Variants in LMOD3 observed in about 807,000 individuals in gnomAD.
LMOD3 encodes leiomodin 3.
LMOD3 carries 31 observed loss-of-function variants against 41.8 expected under a neutral mutation model. That is an observed-to-expected ratio of 0.74 (90% CI 0.56 to 1.00). The LOEUF is 1.00. LMOD3 is among the 50% of genes least tolerant of loss of function. The pLI, the probability that LMOD3 is intolerant of heterozygous loss-of-function variation, is 0.00. For missense variants in LMOD3, 755 were observed against 679.5 expected (o/e 1.11, Z -1.23); for synonymous variants, 292 against 241.9 (o/e 1.21, Z -1.92).
At position 69,107,017 on chromosome 3, in the gene LMOD3, A is replaced by T. The variant is rs2092325715; in HGVS notation, c.*2078T>A. On this transcript the variant is annotated 3_prime_UTR_variant, in exon 3 of 3. Transcript: ENST00000420581. ...GCCACCGCACCGGCCTAGAATTTCA[A>T]CTACTAATTTACATTAAGCTTTTAA... 1 of 151,800 alleles carries T rather than the reference A, an allele frequency of 6.6e-6. No individual in the cohort carries two copies. Among genetic ancestry groups the T allele is most frequent in the Non-Finnish European group, 1.5e-5 (1 of 67,952 alleles). The allele number at this position is 151,800 out of a possible 1,614,324, so 9.4% of individuals were successfully genotyped here. A position where few individuals can be genotyped will look rare whatever the true frequency, so the allele number is the denominator to read the frequency against.
At chr3:69,113,754 TAGAC>T (rs1221631851) in intron 2 of LMOD3, among the ~76,000 whole-genome samples, 1 of 152,178 alleles carries the variant, frequency 6.6e-6, no homozygotes, top group East Asian at 1.9e-4. Flanking sequence ...CTCAGGGAAT[TAGAC>T]AGTTGCTGCA....
Position 69,119,067 on chromosome 3 carries a change from T to C in LMOD3, c.1288A>G (p.Met430Val). The C allele has an allele frequency of 6.2e-7, 1 of 1,613,742 alleles. No homozygotes were observed. The highest frequency in any genetic ancestry group is 1.3e-5 in the African/African-American group (1 of 74,958). The change falls in exon 2 of 3, where the codon ATG becomes GTG. Residue 430 changes from methionine (M) to valine (V), a missense_variant. Transcript: ENST00000420581. ...TTGGGTCCTCCCAACAGCTCCCACA[T>C]CCCAGGGGGCAGCCCCAACCCATTC... ...LENGLGLPPG[M>V]WELLGGPKPD...
In LMOD3 at chr3:69,121,701, C is replaced by T. The variant is rs930523703; in HGVS notation, c.294+392G>A. Reference sequence around the variant, plus strand: ...GAAACACTGCGTATGTTTGGATGTGCCAGAGAGACAGAGGCTACAGAGCTG... The same window carrying T: ...GAAACACTGCGTATGTTTGGATGTGTCAGAGAGACAGAGGCTACAGAGCTG... On this transcript the variant is annotated intron_variant, in intron 1 of 2. Transcript: ENST00000420581. 3.9e-5 allele frequency among the ~76,000 whole-genome samples: 6 copies of T among 152,138 alleles called. No homozygotes were observed. In the East Asian group the frequency reaches 1.2e-3, roughly 29 times the overall value.
intron 2 of LMOD3, among the ~76,000 whole-genome samples, chr3:69,112,615 T>G (rs2092355025): frequency 1.3e-5 from 2 of 152,154 alleles, no homozygotes; most frequent in South Asian, 4.1e-4. Context: ...AAAGGTAATT[T>G]GAGGCAAAGG....
chr3:69,117,167 T>A (rs1012903904), intron 2 of LMOD3, among the ~76,000 whole-genome samples: 3 of 152,216 alleles, frequency 2.0e-5, no homozygotes, highest in African/African-American at 7.2e-5. Context: ...TCTGACCTCA[T>A]GTGACCTCCA....
In LMOD3 at chr3:69,120,048, C is replaced by T. The variant is rs2092400217; in HGVS notation, c.307G>A (p.Glu103Lys). The T allele has an allele frequency of 1.3e-6, 2 of 1,597,140 alleles. No homozygotes were observed. The highest frequency in any genetic ancestry group is 8.5e-7 in the Non-Finnish European group (1 of 1,175,290). The change falls in exon 2 of 3, where the codon GAA becomes AAA. Residue 103 changes from glutamate to lysine, a missense_variant. Glu to Lys is a moderately conservative substitution (Grantham distance 56). Coordinates refer to ENST00000420581, the MANE Select transcript of LMOD3 (RefSeq NM_198271.5). ...CGTTTTTCTATTTCTTCATGCTCTT[C>T]TTGAGTCTTTTCCTACAAGAGAGGT... is the stretch of plus-strand genomic sequence containing the variant. ...TFVKSEEKTQ[E>K]EHEEIEKRNK... is the part of the protein sequence containing the mutation.
Position 69,107,469 on chromosome 3 carries a change from T to TG in LMOD3, c.*1625_*1626insC. 1 of 99,546 alleles carries TG rather than the reference T, an allele frequency of 1.0e-5. No individual in the cohort carries two copies. Among genetic ancestry groups the TG allele is most frequent in the Admixed American group, 1.0e-4 (1 of 10,030 alleles). The allele number at this position is 99,546 out of a possible 1,614,324, so 6.2% of individuals were successfully genotyped here. Reference sequence around the variant, plus strand: ...GCACCAAAGGTTTTTTTTTTTTTTTTTTTTTTTTTTTTTTTTTTTTTTTTT... The same window carrying TG: ...GCACCAAAGGTTTTTTTTTTTTTTTTGTTTTTTTTTTTTTTTTTTTTTTTTT... On this transcript the variant is annotated 3_prime_UTR_variant, in exon 3 of 3. Transcript: ENST00000420581.
chr3:69,116,947 C>A (rs2107524582), intron 2 of LMOD3, among the ~76,000 whole-genome samples: 1 of 152,332 alleles, frequency 6.6e-6, no homozygotes, highest in South Asian at 2.1e-4. Flanking sequence ...AAAGACGTCT[C>A]ATCATTCTTT....
At chr3:69,110,856 ATAT>A (rs2092347070) in intron 2 of LMOD3, among the ~76,000 whole-genome samples, 17 of 119,136 alleles carry the variant, frequency 1.4e-4, no homozygotes, top group African/African-American at 3.0e-4. Flanking sequence ...AAAAAAAAAT[ATAT>A]ATATATATAT....
intron 2 of LMOD3, among the ~76,000 whole-genome samples, chr3:69,111,288 C>A (rs1252393800): frequency 6.6e-6 from 1 of 152,158 alleles, no homozygotes; most frequent in Admixed American, 6.5e-5. Context: ...GCCTGCCAGC[C>A]TTCAAGCCAA....
chr3:69,114,724 C>G (rs997667685), intron 2 of LMOD3, among the ~76,000 whole-genome samples: 1 of 152,156 alleles, frequency 6.6e-6, no homozygotes, highest in Non-Finnish European at 1.5e-5. Context: ...CCAGGTTGGT[C>G]TCAAACTCCT....
chr3:69,114,973 C>G (rs1220903179), intron 2 of LMOD3, among the ~76,000 whole-genome samples: 5 of 152,190 alleles, frequency 3.3e-5, no homozygotes, highest in African/African-American at 1.2e-4. Context: ...TCAAGTGATC[C>G]TCCTGCCTCA....
rs2092412316 is a variant in LMOD3, at chr3:69,122,291, CA to C, written c.95del (p.Leu32ArgfsTer21). 3 of 1,613,436 alleles carry C rather than the reference CA, an allele frequency of 1.9e-6. No homozygotes were observed. The highest frequency in any genetic ancestry group is 2.5e-6 in the Non-Finnish European group (3 of 1,179,656). On this transcript the variant is annotated frameshift_variant, in exon 1 of 3. Coordinates refer to ENST00000420581, the MANE Select transcript of LMOD3 (RefSeq NM_198271.5). LOFTEE classifies it high-confidence loss of function. ...EILANLSAEE[L>X]KELQSEMEVM... ...CTTCCATTTCCGACTGCAGTTCTTT[CA>C]GTTCTTCAGCAGACAAGTTGGCCAA...
rs551503990 is a variant in LMOD3 at position 69,118,562 on chromosome 3, T to C, written c.1656+137A>G. 74 of 926,400 alleles carry C rather than the reference T, an allele frequency of 8.0e-5. No homozygotes were observed. In the East Asian group the frequency reaches 1.7e-3, roughly 21 times the overall value. 57.4% of individuals were successfully genotyped at this position (926,400 alleles called of 1,614,324 possible). A position where few individuals can be genotyped will look rare whatever the true frequency, so the allele number is the denominator to read the frequency against. ...TAGGGATAGCAGTAATTTAGTTCTA[T>C]TGGTAATGCTCATTGGCTTCCCCCA... On this transcript the variant is annotated intron_variant, in intron 2 of 2. Transcript: ENST00000420581.
chr3:69,113,096 T>C (rs1382870946), intron 2 of LMOD3, among the ~76,000 whole-genome samples: 1 of 152,174 alleles, frequency 6.6e-6, no homozygotes, highest in African/African-American at 2.4e-5. Context: ...TCATCCTGGT[T>C]TCTTTATTGG....
Position 69,118,962 on chromosome 3 carries a change from G to T in LMOD3, c.1393C>A (p.Arg465Ser). 5 of 1,613,096 alleles carry T rather than the reference G, an allele frequency of 3.1e-6. No individual in the cohort carries two copies. Among genetic ancestry groups the T allele is most frequent in the Non-Finnish European group, 4.2e-6 (5 of 1,179,758 alleles). Residue 465 changes from arginine to serine, a missense_variant, in exon 2 of 3, where the codon CGC (arginine) becomes AGC (serine). Physicochemically the swap from Arg to Ser is moderately radical, Grantham distance 110. Transcript: ENST00000420581. Reference protein sequence around the residue: ...PNPQNVPFSQRSEMMKKPSQA... With the variant: ...PNPQNVPFSQSSEMMKKPSQA... ...GATGGCTTTTTCATCATTTCACTGC[G>T]TTGACTAAAGGGGACATTTTGGGGG... is the stretch of plus-strand genomic sequence containing the variant.
intron 2 of LMOD3, among the ~76,000 whole-genome samples, chr3:69,110,209 AC>A (rs1051638072): frequency 3.3e-5 from 5 of 151,724 alleles, no homozygotes; most frequent in African/African-American, 1.2e-4. Context: ...ACAAAGTGAG[AC>A]CCATCTCACC....
intron 2 of LMOD3, among the ~76,000 whole-genome samples, chr3:69,115,557 T>C (rs866855819): frequency 6.6e-6 from 1 of 152,114 alleles, no homozygotes; most frequent in Non-Finnish European, 1.5e-5. Flanking sequence ...TGAATAATGT[T>C]CTCTTTAGTA....
chr3:69,116,598 T>C (rs1243434380), intron 2 of LMOD3, among the ~76,000 whole-genome samples: 1 of 152,222 alleles, frequency 6.6e-6, no homozygotes. Context: ...ATCATGAATT[T>C]ATTTTAATGT....
Sources: allele counts gnomAD v4.1 joint callset (sites outside exome capture counted in the v4.1 genomes callset), GRCh38; gene constraint gnomAD v4.1.1; transcripts MANE v1.5; gene names NCBI Gene and HGNC (gene_info 2026-07-23, HGNC 2026-07-21).